The following LNX1 variants were observed in gnomAD, a reference collection of about 807,000 sequenced individuals.
LNX1 encodes E3 ubiquitin-protein ligase LNX.
Under a neutral mutation model 68.4 loss-of-function variants are expected in LNX1, and 54 were observed. The observed-to-expected ratio is 0.79, with a 90% CI of 0.63 to 0.99. The LOEUF is 0.99. LNX1 is among the 50% of genes least tolerant of loss of function. The pLI, the probability that LNX1 is intolerant of heterozygous loss-of-function variation, is 0.00. For missense variants in LNX1, 906 were observed against 926.4 expected (o/e 0.98, Z 0.29); for synonymous variants, 336 against 350.0 (o/e 0.96, Z 0.45).
At chr4:53,625,137 TAA>T (rs980321221) in intron 1 of LNX1, among the ~76,000 whole-genome samples, 2 of 152,162 alleles carry the variant, frequency 1.3e-5, no homozygotes, top group Admixed American at 6.5e-5. Flanking sequence ...GGAAAAAACA[TAA>T]GAGTAAATCT....
chr4:53,607,069 A>G (rs545528550), intron 2 of LNX1, among the ~76,000 whole-genome samples: 29 of 152,296 alleles, frequency 1.9e-4, no homozygotes, highest in Middle Eastern at 3.4e-3. Context: ...GCCTTCTCTC[A>G]CCACTCCTAT....
chr4:53,616,194 C>T (rs1267199736), intron 2 of LNX1, among the ~76,000 whole-genome samples: 1 of 152,118 alleles, frequency 6.6e-6, no homozygotes, highest in Non-Finnish European at 1.5e-5. Context: ...CAGTATCTAT[C>T]TTTTTTCTAG....
At chr4:53,461,639 G>C in intron 9 of LNX1, 46 bp from the exon 10 acceptor site, 2 of 1,465,764 alleles carry the variant, frequency 1.4e-6, no homozygotes, top group Non-Finnish European at 1.9e-6. Flanking sequence ...AAGTTTCACA[G>C]TTAAGGGAAT....
chr4:53,512,508 G>GTGTGTGTGTA (rs1553933803), intron 2 of LNX1, among the ~76,000 whole-genome samples: 18,600 of 149,230 alleles, frequency 0.12, 1,337 homozygotes, highest in East Asian at 0.23. Flanking sequence ...GTGTGTGTGT[G>GTGTGTGTGTA]TGTGTGTGTG....
chr4:53,567,044 T>A (rs1419560671), intron 2 of LNX1, among the ~76,000 whole-genome samples: 1 of 149,456 alleles, frequency 6.7e-6, no homozygotes, highest in Admixed American at 6.7e-5. Flanking sequence ...ACATTAATAA[T>A]GGGAGACTTT....
intron 1 of LNX1, chr4:53,575,726 G>A (rs1170275878): frequency 3.7e-5 from 54 of 1,442,952 alleles, no homozygotes; most frequent in Non-Finnish European, 4.7e-5. Flanking sequence ...GTCTGCTGTG[G>A]GGGCCACAGC....
intron 2 of LNX1, among the ~76,000 whole-genome samples, chr4:53,560,906 A>G (rs954642182): frequency 1.3e-5 from 2 of 152,208 alleles, no homozygotes; most frequent in Admixed American, 1.3e-4. Context: ...CTAAAACCCA[A>G]CCTCAAATGA....
At chr4:53,642,455 T>C (rs1734723017) in intron 1 of LNX1, among the ~76,000 whole-genome samples, 1 of 151,852 alleles carries the variant, frequency 6.6e-6, no homozygotes, top group Non-Finnish European at 1.5e-5. Flanking sequence ...GGACAAAGGG[T>C]CTCCTGGCCA....
chr4:53,546,386 G>C (rs1346401999), intron 2 of LNX1, among the ~76,000 whole-genome samples: 2 of 152,104 alleles, frequency 1.3e-5, no homozygotes, highest in East Asian at 3.9e-4. Context: ...TGCTGTGCAG[G>C]GTCACTTGCC....
intron 2 of LNX1, among the ~76,000 whole-genome samples, chr4:53,614,740 TCTC>T (rs1475375344): frequency 1.3e-5 from 2 of 152,198 alleles, no homozygotes; most frequent in African/African-American, 2.4e-5. Flanking sequence ...CACGAGTTCA[TCTC>T]CTCCTTGATG....
rs545283378 is a variant in LNX1 at position 53,549,697 on chromosome 4, C to T, written c.380+23926G>A. 3.3e-5 allele frequency: 5 copies of T among 152,176 alleles called. No homozygotes were observed. In the South Asian group the frequency reaches 1.0e-3, roughly 32 times the overall value. The allele number at this position is 152,176 out of a possible 1,614,324, so 9.4% of individuals were successfully genotyped here. ...CTTCAAAAACAGTTAAAGGAGATATCGATAAGATGGCCTTGAATTCACAAT... is the reference window on the plus strand; with the variant it reads ...CTTCAAAAACAGTTAAAGGAGATATTGATAAGATGGCCTTGAATTCACAAT... On this transcript the variant is annotated intron_variant, in intron 2 of 10. Coordinates refer to ENST00000263925, the MANE Select transcript of LNX1 (RefSeq NM_001126328.3).
At chr4:53,561,685 C>G (rs915289083) in intron 2 of LNX1, among the ~76,000 whole-genome samples, 1 of 152,178 alleles carries the variant, frequency 6.6e-6, no homozygotes, top group Non-Finnish European at 1.5e-5. Flanking sequence ...AAAGTTAATC[C>G]GGAAAATATT....
chr4:53,620,082 GT>G (rs1219191745), upstream of LNX1, among the ~76,000 whole-genome samples: 1 of 152,164 alleles, frequency 6.6e-6, no homozygotes. Context: ...TTAAACAACT[GT>G]TTTATCCTGT....
rs936163483 is a variant in LNX1 at position 53,460,526 on chromosome 4, T to A, written c.*381A>T. ...CTCAGCAATGCATTTTAAAAAATAT[T>A]TTAGCTGTAAATTAAAAATGGCCAT... On this transcript the variant is annotated 3_prime_UTR_variant, in exon 11 of 11. Coordinates refer to ENST00000263925, the MANE Select transcript of LNX1 (RefSeq NM_001126328.3). 1 of 207,690 alleles carries A rather than the reference T, an allele frequency of 4.8e-6. No homozygotes were observed. Among genetic ancestry groups the A allele is most frequent in the African/African-American group, 2.3e-5 (1 of 43,726 alleles). 12.9% of individuals were successfully genotyped at this position (207,690 alleles called of 1,614,324 possible).
chr4:53,511,106 G>A (rs927706658), intron 2 of LNX1, among the ~76,000 whole-genome samples: 23 of 152,184 alleles, frequency 1.5e-4, no homozygotes, highest in African/African-American at 4.6e-4. Flanking sequence ...CAGCTGGGGA[G>A]GGTGCAGATT....
At chr4:53,641,230 T>G (rs1734671163) in intron 1 of LNX1, among the ~76,000 whole-genome samples, 1 of 152,178 alleles carries the variant, frequency 6.6e-6, no homozygotes, top group Non-Finnish European at 1.5e-5. Flanking sequence ...TCCTTTACTC[T>G]CTAAGAAGGA....
intron 2 of LNX1, among the ~76,000 whole-genome samples, chr4:53,548,719 G>A (rs1729282487): frequency 6.6e-6 from 1 of 152,110 alleles, no homozygotes; most frequent in Admixed American, 6.5e-5. Flanking sequence ...AAAGACATAT[G>A]CACGCAAATG....
chr4:53,465,334 T>C (rs1339238562), intron 9 of LNX1, among the ~76,000 whole-genome samples: 1 of 152,188 alleles, frequency 6.6e-6, no homozygotes, highest in Non-Finnish European at 1.5e-5. Flanking sequence ...TCGTTATGAT[T>C]AGCTTCCTTA....
chr4:53,541,146 AG>A lies in LNX1; in HGVS notation c.380+32476del, dbSNP rs1394982485. On this transcript the variant is annotated intron_variant, in intron 2 of 10. Coordinates refer to ENST00000263925, the MANE Select transcript of LNX1 (RefSeq NM_001126328.3). ...AGCGAGACTCTAACTCAAAAAAAAA[AG>A]AAAAAAAAAAAAGAAAGAAAAGAAA... Among the ~76,000 whole-genome samples the A allele has an allele frequency of 1.5e-3, 152 of 104,642 alleles. 4 individuals carry two copies. Among genetic ancestry groups the A allele is most frequent in the Middle Eastern group, 5.2e-3 (1 of 192 alleles). 68.6% of individuals were successfully genotyped at this position (104,642 alleles called of 152,430 possible).
Sources: gnomAD v4.1 joint callset for allele counts (sites outside exome capture counted in the v4.1 genomes callset) on GRCh38, gnomAD v4.1.1 for gene constraint, MANE v1.5 for transcripts, NCBI Gene and HGNC (gene_info 2026-07-23, HGNC 2026-07-21) for gene names.